CPXM2: variants seen among roughly 807,000 people sequenced by gnomAD.
CPXM2 encodes the protein carboxypeptidase X, M14 family member 2, also known as inactive carboxypeptidase-like protein X2.
CPXM2 carries 66 observed loss-of-function variants against 86.1 expected under a neutral mutation model. The ratio of observed to expected loss-of-function variants is 0.77; its 90% CI spans 0.63 to 0.94. CPXM2 has a LOEUF of 0.94. Ranked by LOEUF, CPXM2 falls within the 40% of genes least tolerant of loss-of-function variation. The probability of loss-of-function intolerance (pLI) is 0.00; values close to 1 mark genes in which losing one functional copy is unlikely to be tolerated. For missense variants in CPXM2, 948 were observed against 1,026.3 expected, an observed-to-expected ratio of 0.92 and a Z score of 1.04; for synonymous variants, 388 against 400.2, an observed-to-expected ratio of 0.97 and a Z score of 0.36.
intron 4 of CPXM2, among the ~76,000 whole-genome samples, chr10:123,826,698 A>G (rs1330521570): frequency 6.6e-6 from 1 of 152,128 alleles, no homozygotes; most frequent in Non-Finnish European, 1.5e-5. Flanking sequence ...GCTGATACAC[A>G]AGAAACACAC....
intron 2 of CPXM2, among the ~76,000 whole-genome samples, chr10:123,924,251 GT>G (rs1945604009): frequency 6.6e-6 from 1 of 152,200 alleles, no homozygotes; most frequent in African/African-American, 2.4e-5. Context: ...GAAGGGCTCA[GT>G]CCCACAAGAC....
intron 3 of CPXM2, among the ~76,000 whole-genome samples, chr10:123,843,465 G>A (rs372799537): frequency 2.9e-4 from 35 of 120,046 alleles, no homozygotes; most frequent in Middle Eastern, 0.013. Context: ...ACGGAGTCTC[G>A]CTCTGTTGCC....
At position 123,766,955 on chromosome 10, in the gene CPXM2, A is replaced by C. The variant is rs893370351; in HGVS notation, c.1479+18T>G. 1 of 1,602,452 alleles carries C rather than the reference A, an allele frequency of 6.2e-7. No individual in the cohort carries two copies. The highest frequency in any genetic ancestry group is 8.5e-7 in the Non-Finnish European group (1 of 1,169,656). On this transcript the variant is annotated intron_variant, in intron 10 of 13. Transcript: ENST00000241305. ...CTTGCCTTTGGCTGCTTTACAGATG[A>C]CGGGTATTTTGACTCACCGTGGCAT...
chr10:123,896,995 A>C (rs1945342930), intron 2 of CPXM2, among the ~76,000 whole-genome samples: 1 of 146,260 alleles, frequency 6.8e-6, no homozygotes, highest in South Asian at 2.1e-4. Flanking sequence ...GGGATTGCCC[A>C]ATAGAGATAG....
rs73362692 is a variant in CPXM2 at position 123,755,132 on chromosome 10, T to G, written c.1918-370A>C. Among the ~76,000 whole-genome samples the G allele has an allele frequency of 7.5e-3, 1,138 of 152,258 alleles. 9 individuals carry two copies. Among genetic ancestry groups the G allele is most frequent in the African/African-American group, 0.026 (1,075 of 41,560 alleles). ...CTAGCCTGGTGTCTTATCTACCAGA[T>G]AGTTGAGCTGGCACCTTCCTGGGCA... is the stretch of plus-strand genomic sequence containing the variant. On this transcript the variant is annotated intron_variant, in intron 12 of 13. Coordinates refer to ENST00000241305, the MANE Select transcript of CPXM2 (RefSeq NM_198148.3).
At chr10:123,794,183 A>C (rs1343462125) in intron 6 of CPXM2, among the ~76,000 whole-genome samples, 1 of 152,166 alleles carries the variant, frequency 6.6e-6, no homozygotes, top group Non-Finnish European at 1.5e-5. Flanking sequence ...CTCTGTGCCC[A>C]TCACTAGGTT....
intron 3 of CPXM2, among the ~76,000 whole-genome samples, chr10:123,854,660 A>T (rs973369043): frequency 6.6e-6 from 1 of 150,392 alleles, no homozygotes; most frequent in Admixed American, 6.7e-5. Flanking sequence ...CAACCCCCGG[A>T]GCCTGTGTGT....
At position 123,863,673 on chromosome 10, in the gene CPXM2, C is replaced by T. The variant is rs561791814; in HGVS notation, c.404-950G>A. Among the ~76,000 whole-genome samples the T allele has an allele frequency of 2.7e-3, 413 of 152,330 alleles. 4 individuals are homozygous for T. The highest frequency in any genetic ancestry group is 9.5e-3 in the African/African-American group (396 of 41,578). The stretch of plus-strand genomic sequence containing the variant: ...CACACGACATACTCAGAAATCCTCA[C>T]TGCTGGGCCTCCAACAGCCCTGCCT... On this transcript the variant is annotated intron_variant, in intron 2 of 13. Transcript: ENST00000241305.
chr10:123,814,115 G>A (rs1847756784), intron 4 of CPXM2, among the ~76,000 whole-genome samples: 1 of 152,184 alleles, frequency 6.6e-6, no homozygotes, highest in African/African-American at 2.4e-5. Flanking sequence ...GTGCTATGAT[G>A]GTTAATACTG....
At chr10:123,833,494 T>C (rs1413971540) in intron 4 of CPXM2, among the ~76,000 whole-genome samples, 1 of 152,214 alleles carries the variant, frequency 6.6e-6, no homozygotes. Context: ...TAAATAGGGC[T>C]TGGAGGTGCT....
intron 4 of CPXM2, among the ~76,000 whole-genome samples, chr10:123,816,322 C>T (rs1847812882): frequency 6.6e-6 from 1 of 152,212 alleles, no homozygotes; most frequent in South Asian, 2.1e-4. Context: ...CCCACATTGG[C>T]TCCCTGGCTG....
chr10:123,859,955 A>G (rs951217007), intron 3 of CPXM2, among the ~76,000 whole-genome samples: 1 of 152,160 alleles, frequency 6.6e-6, no homozygotes, highest in African/African-American at 2.4e-5. Context: ...AGGTCAGTGA[A>G]TAAACACCAT....
intron 2 of CPXM2, among the ~76,000 whole-genome samples, chr10:123,899,707 T>C (rs1301585443): frequency 6.6e-6 from 1 of 152,206 alleles, no homozygotes; most frequent in East Asian, 1.9e-4. Flanking sequence ...TTCTTTACCA[T>C]GTGACCTTGG....
chr10:123,887,089 T>C (rs1945189242), intron 1 of CPXM2: 1 of 152,114 alleles, frequency 6.6e-6, no homozygotes, highest in Non-Finnish European at 1.5e-5. Flanking sequence ...GCTAAATAAA[T>C]GGAATTAGAG....
chr10:123,863,713 C>T (rs1021021716), intron 2 of CPXM2, among the ~76,000 whole-genome samples: 5 of 152,192 alleles, frequency 3.3e-5, no homozygotes, highest in African/African-American at 1.2e-4. Flanking sequence ...ATAGAACCTT[C>T]TCATGCTGTC....
At chr10:123,792,128 C>T (rs1378701912) in intron 6 of CPXM2, among the ~76,000 whole-genome samples, 2 of 152,190 alleles carry the variant, frequency 1.3e-5, no homozygotes, top group Admixed American at 6.5e-5. Flanking sequence ...AAAACCAGGA[C>T]AGGGTTAATG....
In CPXM2 at chr10:123,786,680, C is replaced by T. The variant is rs567589923; in HGVS notation, c.890-6425G>A. On this transcript the variant is annotated intron_variant, in intron 6 of 13. Transcript: ENST00000241305. The stretch of plus-strand genomic sequence containing the variant: ...ACATCTCATTATACCCCATTCCTTA[C>T]TGCCAGTCATTTGGCTTTCTACCCT... 1.5e-3 allele frequency among the ~76,000 whole-genome samples: 232 copies of T among 152,302 alleles called. 2 individuals are homozygous for T. Among genetic ancestry groups the T allele is most frequent in the Non-Finnish European group, 2.6e-3 (180 of 68,028 alleles).
chr10:123,909,174 G>A (rs558871369), intron 2 of CPXM2, among the ~76,000 whole-genome samples: 2 of 152,276 alleles, frequency 1.3e-5, no homozygotes, highest in East Asian at 1.9e-4. Flanking sequence ...AGCAGGATTC[G>A]TGTAGCTCGG....
At chr10:123,814,609 T>C (rs1847774370) in intron 4 of CPXM2, among the ~76,000 whole-genome samples, 1 of 151,524 alleles carries the variant, frequency 6.6e-6, no homozygotes, top group Admixed American at 6.6e-5. Context: ...ATGGAGTTCT[T>C]TCATTGGTTT....
Sources: allele counts gnomAD v4.1 joint callset (sites outside exome capture counted in the v4.1 genomes callset), GRCh38; gene constraint gnomAD v4.1.1; transcripts MANE v1.5; gene names NCBI Gene and HGNC (gene_info 2026-07-23, HGNC 2026-07-21).